FGF14: variants seen among roughly 807,000 people sequenced by gnomAD.
The protein encoded by FGF14 is fibroblast growth factor homologous factor 4.
In FGF14, 5 loss-of-function variants were observed where a neutral mutation model predicts 25.5. That is an observed-to-expected ratio of 0.20 (90% CI 0.10 to 0.41). The LOEUF is 0.41. Among genes scored for constraint, FGF14 ranks in the 10% least tolerant of loss-of-function variants. The probability of loss-of-function intolerance (pLI) is 1.00; values close to 1 mark genes in which losing one functional copy is unlikely to be tolerated. For synonymous variants in FGF14, 138 were observed against 118.3 expected, an observed-to-expected ratio of 1.17 and a Z score of -1.08; for missense variants, 222 against 320.1, an observed-to-expected ratio of 0.69 and a Z score of 2.34.
intron 1 of FGF14, among the ~76,000 whole-genome samples, chr13:102,196,381 A>G (rs1192566853): frequency 6.6e-6 from 1 of 152,200 alleles, no homozygotes; most frequent in Non-Finnish European, 1.5e-5. Flanking sequence ...TCAATTGTAA[A>G]GAAATTTGGA....
chr13:101,928,599 G>C (rs1484187049), intron 1 of FGF14, among the ~76,000 whole-genome samples: 1 of 152,066 alleles, frequency 6.6e-6, no homozygotes, highest in Non-Finnish European at 1.5e-5. Context: ...GTTAGAACAA[G>C]AAGTAGCCTT....
At chr13:102,357,353 A>G (rs2057448009) in intron 1 of FGF14, among the ~76,000 whole-genome samples, 1 of 152,120 alleles carries the variant, frequency 6.6e-6, no homozygotes, top group Non-Finnish European at 1.5e-5. Flanking sequence ...CCTCTGGGAG[A>G]GTGTGCGAGG....
At position 102,138,040 on chromosome 13, in the gene FGF14, C is replaced by T. The variant is rs1435956285; in HGVS notation, c.209-262744G>A. On this transcript the variant is annotated intron_variant, in intron 1 of 4. Transcript: ENST00000376131. ...TGAAATCCCAGTCCTAGGCTGAGTA[C>T]TTTTCTCCTCCATCGCCCTGGCCTG... 4.0e-5 allele frequency among the ~76,000 whole-genome samples: 6 copies of T among 150,494 alleles called. No homozygotes were observed. The South Asian group carries it at 8.6e-4, about 22-fold the overall frequency.
In FGF14 at chr13:101,780,757, A is replaced by T. The variant is rs2039439235; in HGVS notation, c.409-53947T>A. Among the ~76,000 whole-genome samples, 3 of 152,062 alleles carry T rather than the reference A, an allele frequency of 2.0e-5. No individual in the cohort carries two copies. The South Asian group carries it at 6.2e-4, about 32-fold the overall frequency. On this transcript the variant is annotated intron_variant, in intron 3 of 4. Coordinates refer to ENST00000376143, the MANE Select transcript of FGF14 (RefSeq NM_004115.4). ...CTTTGTGCAGTTCACCCAGAACAGAACTCATCACACAGCACTGATACACAG... is the reference window on the plus strand; with the variant it reads ...CTTTGTGCAGTTCACCCAGAACAGATCTCATCACACAGCACTGATACACAG...
chr13:102,233,057 G>T (rs7329252), intron 1 of FGF14, among the ~76,000 whole-genome samples: 12,487 of 151,958 alleles, frequency 0.082, 876 homozygotes, highest in African/African-American at 0.18. Flanking sequence ...AGCCTCCTCT[G>T]GTCCCACCTC....
chr13:102,340,440 TACACAC>T (rs139037869), intron 1 of FGF14, among the ~76,000 whole-genome samples: 11 of 148,612 alleles, frequency 7.4e-5, no homozygotes, highest in African/African-American at 2.5e-4. Context: ...TACAAACACA[TACACAC>T]ACACACACAC....
At chr13:102,012,992 C>T (rs549889200) in intron 1 of FGF14, among the ~76,000 whole-genome samples, 8 of 152,204 alleles carry the variant, frequency 5.3e-5, no homozygotes, top group African/African-American at 1.9e-4. Context: ...CATCTCCTCA[C>T]CAATTTTAGT....
chr13:101,850,552 G>T lies in FGF14; in HGVS notation c.408+18173C>A, dbSNP rs866576682. Among the ~76,000 whole-genome samples, 58 of 26,312 alleles carry T rather than the reference G, an allele frequency of 2.2e-3. 1 individual carries two copies. The highest frequency in any genetic ancestry group is 5.5e-3 in the African/African-American group (44 of 8,064). The allele number at this position is 26,312 out of a possible 152,430, so 17.3% of individuals were successfully genotyped here. A position where few individuals can be genotyped will look rare whatever the true frequency, so the allele number is the denominator to read the frequency against. On this transcript the variant is annotated intron_variant, in intron 3 of 4. Coordinates refer to ENST00000376143, the MANE Select transcript of FGF14 (RefSeq NM_004115.4). Reference sequence around the variant, plus strand: ...CTATATATATATATATATATATATAGAATTATATATTCTATATATAGAATT... The same window carrying T: ...CTATATATATATATATATATATATATAATTATATATTCTATATATAGAATT...
intron 1 of FGF14, among the ~76,000 whole-genome samples, chr13:102,143,688 T>C (rs895617953): frequency 6.6e-6 from 1 of 152,234 alleles, no homozygotes; most frequent in Non-Finnish European, 1.5e-5. Context: ...TCTACTGACT[T>C]GATAGAGTCA....
At chr13:102,367,473 C>A (rs1197668909) in intron 1 of FGF14, 1 of 152,218 alleles carries the variant, frequency 6.6e-6, no homozygotes, top group Non-Finnish European at 1.5e-5. Flanking sequence ...CACACTTTGT[C>A]CCTTCTGCAA....
rs2034645234 is a variant in FGF14, at chr13:101,714,930, G to A, written c.*7901C>T. The A allele has an allele frequency of 5.0e-6, 1 of 201,258 alleles. No homozygotes were observed. The highest frequency in any genetic ancestry group is 5.4e-5 in the Admixed American group (1 of 18,408). 12.5% of individuals were successfully genotyped at this position (201,258 alleles called of 1,614,324 possible). A position where few individuals can be genotyped will look rare whatever the true frequency, so the allele number is the denominator to read the frequency against. On this transcript the variant is annotated 3_prime_UTR_variant, in exon 5 of 5. Transcript: ENST00000376143. ...TTTAAACAGAATCTGGGTACCACTA[G>A]TTGATGTGTTGGTTGCTTTTAGGGA...
At chr13:102,401,374 C>T (rs1275167759) in intron 1 of FGF14, 1 of 1,153,530 alleles carries the variant, frequency 8.7e-7, no homozygotes, top group South Asian at 1.3e-5. Flanking sequence ...GGTATGTTTC[C>T]CCTGCCTTCC....
At chr13:102,249,285 T>G (rs1392497750) in intron 1 of FGF14, among the ~76,000 whole-genome samples, 4 of 152,160 alleles carry the variant, frequency 2.6e-5, no homozygotes, top group Non-Finnish European at 4.4e-5. Context: ...GTTAAAAAAG[T>G]AGACAGAACT....
intron 1 of FGF14, among the ~76,000 whole-genome samples, chr13:102,357,401 T>G (rs894954398): frequency 6.6e-6 from 1 of 152,162 alleles, no homozygotes; most frequent in Non-Finnish European, 1.5e-5. Flanking sequence ...ACGGAAGTTC[T>G]ACCAATAGCA....
chr13:102,191,558 G>A (rs536627734), intron 1 of FGF14, among the ~76,000 whole-genome samples: 1 of 152,020 alleles, frequency 6.6e-6, no homozygotes, highest in Admixed American at 6.6e-5. Flanking sequence ...TTATCCACCC[G>A]AAAGCCTCAT....
chr13:102,297,066 C>A (rs2054750899), intron 1 of FGF14, among the ~76,000 whole-genome samples: 1 of 152,094 alleles, frequency 6.6e-6, no homozygotes, highest in African/African-American at 2.4e-5. Flanking sequence ...GACAGGTGCT[C>A]AAAGTCAACA....
At chr13:102,136,401 C>T (rs1302953850) in intron 1 of FGF14, among the ~76,000 whole-genome samples, 1 of 152,112 alleles carries the variant, frequency 6.6e-6, no homozygotes, top group Non-Finnish European at 1.5e-5. Context: ...GTGGCAGAGC[C>T]ACCGACTGGA....
At position 101,710,915 on chromosome 13, in the gene FGF14, G is replaced by A. The variant is rs188412111; in HGVS notation, c.*11916C>T. The A allele has an allele frequency of 1.3e-5, 2 of 152,258 alleles. No homozygotes were observed. Among genetic ancestry groups the A allele is most frequent in the East Asian group, 3.9e-4 (2 of 5,178 alleles). 9.4% of individuals were successfully genotyped at this position (152,258 alleles called of 1,614,324 possible). On this transcript the variant is annotated 3_prime_UTR_variant, in exon 5 of 5. Transcript: ENST00000376143. ...ATTCTTGTGACCTTCATAACAGATG[G>A]AGTAGTTAGTACAATAGTGAAAACT...
chr13:102,114,030 G>A (rs1480255082), intron 1 of FGF14, among the ~76,000 whole-genome samples: 1 of 152,156 alleles, frequency 6.6e-6, no homozygotes, highest in Non-Finnish European at 1.5e-5. Context: ...CAACCATCAA[G>A]AGGCAAAAGA....
Sources: gnomAD v4.1 joint callset for allele counts (sites outside exome capture counted in the v4.1 genomes callset) on GRCh38, gnomAD v4.1.1 for gene constraint, MANE v1.5 for transcripts, NCBI Gene and HGNC (gene_info 2026-07-23, HGNC 2026-07-21) for gene names.